The following SLC5A4 variants were observed in gnomAD, a reference collection of about 807,000 sequenced individuals.
SLC5A4 encodes solute carrier family 5 member 4.
Under a neutral mutation model 70.3 loss-of-function variants are expected in SLC5A4, and 55 were observed. The ratio of observed to expected loss-of-function variants is 0.78; its 90% CI spans 0.63 to 0.98. The LOEUF is 0.98. SLC5A4 is among the 50% of genes least tolerant of loss of function. The pLI is 0.00. For synonymous variants in SLC5A4, 268 were observed against 305.7 expected, an observed-to-expected ratio of 0.88 and a Z score of 1.29; for missense variants, 735 against 839.2, an observed-to-expected ratio of 0.88 and a Z score of 1.53.
At chr22:32,350,215 C>G in the SLC5A4 span, among the ~76,000 whole-genome samples, 8,120 of 152,162 alleles carry the variant, frequency 0.053, 273 homozygotes, top group South Asian at 0.096. Flanking sequence ...CAAAGACTAC[C>G]GAAATAATTC....
chr22:32,353,755 G>A, the SLC5A4 span, among the ~76,000 whole-genome samples: 7,334 of 151,600 alleles, frequency 0.048, 232 homozygotes, highest in South Asian at 0.096. Flanking sequence ...CCCTGCCGCG[G>A]GCAGTGCAGC....
the SLC5A4 span, chr22:32,270,293 C>A: frequency 1.5e-5 from 12 of 817,590 alleles, no homozygotes; most frequent in Admixed American, 1.6e-4. Flanking sequence ...AACCCTGAGC[C>A]GGACCTGGAG....
the SLC5A4 span, among the ~76,000 whole-genome samples, chr22:32,344,346 C>T: frequency 8.5e-5 from 13 of 152,144 alleles, no homozygotes; most frequent in Admixed American, 8.5e-4. Flanking sequence ...CGCACATATA[C>T]TTTGATGAGC....
chr22:32,288,247 A>G, the SLC5A4 span, among the ~76,000 whole-genome samples: 1 of 152,142 alleles, frequency 6.6e-6, no homozygotes, highest in African/African-American at 2.4e-5. Flanking sequence ...TGGGAAAAAC[A>G]ATGACCAGAG....
At chr22:32,300,581 C>A in the SLC5A4 span, among the ~76,000 whole-genome samples, 469 of 151,352 alleles carry the variant, frequency 3.1e-3, 3 homozygotes, top group African/African-American at 0.011. Flanking sequence ...GTGAGATGAA[C>A]CCGGTACCTC....
the SLC5A4 span, among the ~76,000 whole-genome samples, chr22:32,317,342 AG>A: frequency 2.5e-4 from 38 of 152,104 alleles, 1 homozygote; most frequent in Middle Eastern, 6.8e-3. Flanking sequence ...CAACTCAAAA[AG>A]AAAAGAAAGA....
chr22:32,271,461 A>G, the SLC5A4 span: 1 of 753,292 alleles, frequency 1.3e-6, no homozygotes, highest in Non-Finnish European at 2.4e-6. Context: ...CAGCCAGGGC[A>G]ATCTCAAAGT....
the SLC5A4 span, among the ~76,000 whole-genome samples, chr22:32,321,214 A>T: frequency 6.6e-6 from 1 of 152,182 alleles, no homozygotes; most frequent in Non-Finnish European, 1.5e-5. Flanking sequence ...TGAACCCAGG[A>T]GGCGGAGGTT....
rs1468268940 is a variant in SLC5A4 at position 32,247,393 on chromosome 22, A to G, written c.477+18T>C. ...ACCAACCTCTTGAAGCTAAAATGCCAGGAGGCTCTGAACTCACAGAAATTA... is the reference window on the plus strand; with the variant it reads ...ACCAACCTCTTGAAGCTAAAATGCCGGGAGGCTCTGAACTCACAGAAATTA... On this transcript the variant is annotated intron_variant, in intron 5 of 14. Transcript: ENST00000266086. The G allele has an allele frequency of 6.6e-6, 10 of 1,517,216 alleles. No homozygotes were observed. The highest frequency in any genetic ancestry group is 5.6e-5 in the South Asian group (5 of 89,128). 94.0% of individuals were successfully genotyped at this position (1,517,216 alleles called of 1,614,324 possible).
the SLC5A4 span, among the ~76,000 whole-genome samples, chr22:32,323,449 G>A: frequency 3.3e-5 from 5 of 152,158 alleles, no homozygotes; most frequent in East Asian, 1.9e-4. Context: ...GTTCAGTTAC[G>A]GCCTGACCCA....
At position 32,255,251 on chromosome 22, in the gene SLC5A4, C is replaced by T. The variant is rs113463633; in HGVS notation, c.79G>A (p.Ala27Thr). The T allele has an allele frequency of 3.4e-4, 551 of 1,614,086 alleles. No homozygotes were observed. Among genetic ancestry groups the T allele is most frequent in the Non-Finnish European group, 3.6e-4 (424 of 1,180,004 alleles). The change falls in exon 1 of 15, where the codon GCT becomes ACT. Residue 27 changes from alanine (A) to threonine (T), a missense_variant. Coordinates refer to ENST00000266086, the MANE Select transcript of SLC5A4 (RefSeq NM_014227.3). ...PPLSDHIRNA[A>T]DISVIVIYFL... Reference sequence around the variant, plus strand: ...TAGATGACAATGACTGAGATGTCAGCAGCATTTCGGATGTGGTCAGACAAT... The same window carrying T: ...TAGATGACAATGACTGAGATGTCAGTAGCATTTCGGATGTGGTCAGACAAT...
the SLC5A4 span, among the ~76,000 whole-genome samples, chr22:32,322,469 C>T: frequency 1.1e-4 from 16 of 152,172 alleles, no homozygotes; most frequent in East Asian, 2.5e-3. Context: ...CCTGTAATCC[C>T]AGCTACTCAG....
chr22:32,279,270 C>T, the SLC5A4 span, among the ~76,000 whole-genome samples: 39 of 152,180 alleles, frequency 2.6e-4, no homozygotes, highest in Admixed American at 4.6e-4. Context: ...AGTGAGACTC[C>T]GTCTCAAAAA....
Position 32,230,598 on chromosome 22 carries a change from T to C in SLC5A4, c.1129+370A>G, listed in dbSNP as rs117843773. Among the ~76,000 whole-genome samples the C allele has an allele frequency of 2.0e-5, 3 of 151,926 alleles. No homozygotes were observed. The East Asian group carries it at 6.0e-4, about 30-fold the overall frequency. On this transcript the variant is annotated intron_variant, in intron 10 of 14. Coordinates refer to ENST00000266086, the MANE Select transcript of SLC5A4 (RefSeq NM_014227.3). ...AAAAAGCATAATAAATAGTTTATTCTATTTGGTTTATTTGGTTATCACTAG... is the reference window on the plus strand; with the variant it reads ...AAAAAGCATAATAAATAGTTTATTCCATTTGGTTTATTTGGTTATCACTAG...
chr22:32,308,117 G>A, the SLC5A4 span, among the ~76,000 whole-genome samples: 1 of 152,138 alleles, frequency 6.6e-6, no homozygotes, highest in Non-Finnish European at 1.5e-5. Context: ...CCAGGCTGGA[G>A]TGCACTGGTA....
the SLC5A4 span, among the ~76,000 whole-genome samples, chr22:32,266,781 T>C: frequency 6.6e-6 from 1 of 152,244 alleles, no homozygotes; most frequent in Non-Finnish European, 1.5e-5. Flanking sequence ...GCATATGTGT[T>C]ATGTACTGTG....
upstream of SLC5A4, among the ~76,000 whole-genome samples, chr22:32,255,760 C>G (rs906154711): frequency 6.6e-6 from 1 of 152,144 alleles, no homozygotes; most frequent in Non-Finnish European, 1.5e-5. Context: ...TGAGCTATAT[C>G]CCTTGACAGT....
At chr22:32,314,153 G>A in the SLC5A4 span, among the ~76,000 whole-genome samples, 782 of 152,306 alleles carry the variant, frequency 5.1e-3, 10 homozygotes, top group African/African-American at 0.017. Context: ...AATGTGTACA[G>A]GGGCTAAGGG....
chr22:32,304,996 C>T, the SLC5A4 span, among the ~76,000 whole-genome samples: 4 of 152,108 alleles, frequency 2.6e-5, no homozygotes, highest in Non-Finnish European at 5.9e-5. Flanking sequence ...TTCCTCCATT[C>T]TGTTGCTTTT....
Sources: allele counts gnomAD v4.1 joint callset (sites outside exome capture counted in the v4.1 genomes callset), GRCh38; gene constraint gnomAD v4.1.1; transcripts MANE v1.5; gene names NCBI Gene and HGNC (gene_info 2026-07-23, HGNC 2026-07-21).